TPRG1: variants seen among roughly 807,000 people sequenced by gnomAD.
TPRG1 encodes the protein tumor protein p63-regulated gene 1 protein.
A neutral mutation model predicts 29.3 loss-of-function variants in TPRG1; 29 were observed. The observed-to-expected ratio is 0.99, with a 90% CI of 0.74 to 1.35. TPRG1 has a LOEUF of 1.35. TPRG1 is among the 40% of genes most tolerant of loss of function. The probability of loss-of-function intolerance (pLI) is 0.00; values close to 1 mark genes in which losing one functional copy is unlikely to be tolerated. For missense variants in TPRG1, 327 were observed against 335.0 expected (o/e 0.98, Z 0.19); for synonymous variants, 130 against 116.8 (o/e 1.11, Z -0.73).
intron 5 of TPRG1, among the ~76,000 whole-genome samples, chr3:189,312,181 CTTTTT>C (rs1560689655): frequency 1.6e-4 from 8 of 51,436 alleles, no homozygotes; most frequent in African/African-American, 5.2e-4. Context: ...TTCTTTCTTT[CTTTTT>C]TTCTTTCTTT....
chr3:189,040,589 C>G (rs1374963245), intron 4 of TPRG1, among the ~76,000 whole-genome samples: 3 of 152,088 alleles, frequency 2.0e-5, no homozygotes, highest in Non-Finnish European at 4.4e-5. Context: ...ATTCTGTCCA[C>G]CATTAAGAGT....
chr3:189,253,391 G>A (rs1204331833), intron 4 of TPRG1, among the ~76,000 whole-genome samples: 1 of 152,150 alleles, frequency 6.6e-6, no homozygotes, highest in African/African-American at 2.4e-5. Flanking sequence ...GAGAATGATG[G>A]TTTCCAGCTT....
chr3:189,215,284 C>A lies in TPRG1; in HGVS notation c.211-8C>A, dbSNP rs767320341. 6 of 1,607,260 alleles carry A rather than the reference C, an allele frequency of 3.7e-6. No individual in the cohort carries two copies. Among genetic ancestry groups the A allele is most frequent in the Middle Eastern group, 1.7e-4 (1 of 6,054 alleles). ...CTCTAAACTAGGTATTTTCTCCTTT[C>A]CACACAGCCGGGGGCCATTGAGACT... On this transcript the variant is annotated splice_region_variant and splice_polypyrimidine_tract_variant and intron_variant, in intron 2 of 5. Coordinates refer to ENST00000345063, the MANE Select transcript of TPRG1 (RefSeq NM_198485.4).
At chr3:189,199,928 A>T (rs186397386) in intron 1 of TPRG1, among the ~76,000 whole-genome samples, 3 of 152,304 alleles carry the variant, frequency 2.0e-5, no homozygotes, top group Admixed American at 2.0e-4. Flanking sequence ...AATGAATAGT[A>T]TCCAGGAGCA....
At chr3:189,194,259 A>G (rs1303330057) in intron 1 of TPRG1, among the ~76,000 whole-genome samples, 1 of 152,036 alleles carries the variant, frequency 6.6e-6, no homozygotes, top group Non-Finnish European at 1.5e-5. Context: ...TAGGTTGTTA[A>G]TGTTCTAGGT....
intron 1 of TPRG1, among the ~76,000 whole-genome samples, chr3:189,185,734 T>A (rs1392032873): frequency 6.6e-6 from 1 of 152,204 alleles, no homozygotes; most frequent in East Asian, 1.9e-4. Context: ...GATGAATTAT[T>A]CTACATCTTT....
At chr3:189,172,201 C>T (rs974185811) in intron 1 of TPRG1, 70 bp downstream of exon 1, 2 of 152,226 alleles carry the variant, frequency 1.3e-5, no homozygotes, top group Admixed American at 6.5e-5. Flanking sequence ...TTGCTTCTGT[C>T]CCCTAAGCCG....
At chr3:189,041,733 C>T (rs1249935459) in intron 4 of TPRG1, among the ~76,000 whole-genome samples, 5 of 152,166 alleles carry the variant, frequency 3.3e-5, no homozygotes, top group Admixed American at 3.3e-4. Context: ...GACCAGCTTG[C>T]CCTTAGATCT....
chr3:189,096,274 T>C (rs74728672), upstream of TPRG1, among the ~76,000 whole-genome samples: 5,119 of 152,244 alleles, frequency 0.034, 133 homozygotes, highest in Non-Finnish European at 0.055. Flanking sequence ...TACTGTCTTT[T>C]CTTTGGTTTT....
At chr3:189,215,229 T>C in intron 2 of TPRG1, 63 bp from the exon 3 acceptor site, 1 of 1,383,794 alleles carries the variant, frequency 7.2e-7, no homozygotes, top group Non-Finnish European at 1.0e-6. Flanking sequence ...ATATACTAAC[T>C]AATCATAAGC....
chr3:189,184,994 G>T (rs1034302715), intron 1 of TPRG1, among the ~76,000 whole-genome samples: 3 of 152,180 alleles, frequency 2.0e-5, no homozygotes, highest in African/African-American at 7.2e-5. Context: ...CTGTCCCAGT[G>T]GGTTTGGTGG....
At chr3:189,025,072 C>T (rs1049900177) in intron 4 of TPRG1, among the ~76,000 whole-genome samples, 1 of 152,206 alleles carries the variant, frequency 6.6e-6, no homozygotes, top group Non-Finnish European at 1.5e-5. Flanking sequence ...TATGTACCAA[C>T]ATCCTGCCTT....
At chr3:189,149,950 G>A (rs1435303137) in intron 4 of TPRG1, among the ~76,000 whole-genome samples, 4 of 152,292 alleles carry the variant, frequency 2.6e-5, no homozygotes, top group African/African-American at 4.8e-5. Context: ...CTTTAGCATC[G>A]ACTCTTGCCT....
chr3:189,184,952 G>A (rs1421634609), intron 1 of TPRG1, among the ~76,000 whole-genome samples: 2 of 152,180 alleles, frequency 1.3e-5, no homozygotes, highest in South Asian at 2.1e-4. Context: ...CTTGGCGTGC[G>A]TGTATTGTTT....
intron 5 of TPRG1, chr3:189,313,212 T>C (rs1455514051): frequency 6.6e-6 from 1 of 152,222 alleles, no homozygotes; most frequent in Non-Finnish European, 1.5e-5. Flanking sequence ...TCTTATTTTC[T>C]CTTTTGTTGT....
At chr3:189,095,476 C>T (rs924968311), upstream of TPRG1, among the ~76,000 whole-genome samples, 9 of 152,112 alleles carry the variant, frequency 5.9e-5, no homozygotes, top group Non-Finnish European at 1.2e-4. Context: ...AGACAGAGTC[C>T]CTGCCCTTCA....
intron 3 of TPRG1, among the ~76,000 whole-genome samples, chr3:189,235,217 C>CTTTTT (rs34934049): frequency 1.2e-4 from 15 of 129,674 alleles, no homozygotes; most frequent in South Asian, 5.0e-4. Flanking sequence ...ATGAGGTTTG[C>CTTTTT]TTTTTTTTTT....
intron 5 of TPRG1, among the ~76,000 whole-genome samples, chr3:189,154,940 C>T (rs1434619401): frequency 6.6e-6 from 1 of 152,130 alleles, no homozygotes; most frequent in African/African-American, 2.4e-5. Flanking sequence ...TCAAAGTAGT[C>T]CCTGCTAAAA....
rs1321758649 is a variant in TPRG1, at chr3:189,312,101, CTTTG to C, written c.633+1566_633+1569del. On this transcript the variant is annotated intron_variant, in intron 5 of 5. Coordinates refer to ENST00000345063, the MANE Select transcript of TPRG1 (RefSeq NM_198485.4). ...TTTATGTTTCTTTCTTTCTTTGTTT[CTTTG>C]TTTCTTTCTTTGTTTCTTTCTTTCT... Among the ~76,000 whole-genome samples, 519 of 62,176 alleles carry C rather than the reference CTTTG, an allele frequency of 8.3e-3. 25 individuals are homozygous for C. The highest frequency in any genetic ancestry group is 0.02 in the Middle Eastern group (2 of 100). 40.8% of individuals were successfully genotyped at this position (62,176 alleles called of 152,430 possible).
Sources: allele counts gnomAD v4.1 joint callset (sites outside exome capture counted in the v4.1 genomes callset), GRCh38; gene constraint gnomAD v4.1.1; transcripts MANE v1.5; gene names NCBI Gene and HGNC (gene_info 2026-07-23, HGNC 2026-07-21).